PRKCA: variants seen among roughly 807,000 people sequenced by gnomAD.
PRKCA encodes the protein protein kinase C alpha.
Under a neutral mutation model 87.0 loss-of-function variants are expected in PRKCA, and 27 were observed. The ratio of observed to expected loss-of-function variants is 0.31; its 90% CI spans 0.23 to 0.43. PRKCA has a LOEUF of 0.43. Among genes scored for constraint, PRKCA ranks in the 20% least tolerant of loss-of-function variants. The pLI, the probability that PRKCA is intolerant of heterozygous loss-of-function variation, is 1.00. For synonymous variants in PRKCA, 329 were observed against 311.1 expected, an observed-to-expected ratio of 1.06 and a Z score of -0.61; for missense variants, 518 against 852.3, an observed-to-expected ratio of 0.61 and a Z score of 4.88.
rs117478932 is a variant in PRKCA, at chr17:66,594,324, A to G, written c.289-47031A>G. Among the ~76,000 whole-genome samples, 13 of 152,292 alleles carry G rather than the reference A, an allele frequency of 8.5e-5. No homozygotes were observed. In the East Asian group the frequency reaches 9.7e-4, roughly 11 times the overall value. On this transcript the variant is annotated intron_variant, in intron 3 of 16. Coordinates refer to ENST00000413366, the MANE Select transcript of PRKCA (RefSeq NM_002737.3). ...ATATGTTGGTTGGGTGGGGTGGTCT[A>G]AGGACTGCAGGATGTTTTAGAGCCT...
chr17:66,800,030 T>C (rs1405784705), intron 16 of PRKCA, among the ~76,000 whole-genome samples: 1 of 152,168 alleles, frequency 6.6e-6, no homozygotes, highest in Non-Finnish European at 1.5e-5. Context: ...TTCCAGGCTT[T>C]CTTCCGGTTT....
intron 3 of PRKCA, among the ~76,000 whole-genome samples, chr17:66,624,017 AG>A (rs1348255185): frequency 6.6e-6 from 1 of 152,198 alleles, no homozygotes; most frequent in Non-Finnish European, 1.5e-5. Context: ...GAAAACTTGT[AG>A]GGTGTCATCA....
Position 66,442,225 on chromosome 17 carries a change from A to ATT in PRKCA, c.206-53963_206-53962dup, listed in dbSNP as rs141847660. ...TACAGGTGCCTGCCATGCCTGGCTGATTTTTTTTTTTTTTAGTTGAGACAG... is the reference window on the plus strand; with the variant it reads ...TACAGGTGCCTGCCATGCCTGGCTGATTTTTTTTTTTTTTTTAGTTGAGACAG... On this transcript the variant is annotated intron_variant, in intron 2 of 16. Coordinates refer to ENST00000413366, the MANE Select transcript of PRKCA (RefSeq NM_002737.3). Among the ~76,000 whole-genome samples the ATT allele has an allele frequency of 6.8e-4, 97 of 143,682 alleles. 1 individual carries two copies. In the South Asian group the frequency reaches 9.1e-3, roughly 14 times the overall value. The allele number at this position is 143,682 out of a possible 152,430, so 94.3% of individuals were successfully genotyped here.
intron 2 of PRKCA, among the ~76,000 whole-genome samples, chr17:66,473,701 G>A (rs1052233724): frequency 3.9e-5 from 6 of 152,258 alleles, no homozygotes; most frequent in South Asian, 2.1e-4. Context: ...TTGGGAGGCC[G>A]AGGTGGGTGA....
At chr17:66,509,178 A>ATGTGTG (rs35472661) in intron 3 of PRKCA, among the ~76,000 whole-genome samples, 3,145 of 147,160 alleles carry the variant, frequency 0.021, 36 homozygotes, top group South Asian at 0.041. Flanking sequence ...GTGTGTGTGT[A>ATGTGTG]TGTGTGTGTG....
intron 3 of PRKCA, among the ~76,000 whole-genome samples, chr17:66,524,844 A>G (rs192809459): frequency 6.6e-6 from 1 of 152,322 alleles, no homozygotes; most frequent in East Asian, 1.9e-4. Context: ...CTTCCCTGCA[A>G]GGAGACTAAA....
intron 2 of PRKCA, among the ~76,000 whole-genome samples, chr17:66,367,951 A>G (rs1207088005): frequency 3.9e-5 from 6 of 152,210 alleles, no homozygotes; most frequent in Non-Finnish European, 2.9e-5. Context: ...CCCTGTGTTT[A>G]TAAAATAACT....
intron 2 of PRKCA, among the ~76,000 whole-genome samples, chr17:66,423,364 T>C (rs1218240561): frequency 6.6e-6 from 1 of 152,216 alleles, no homozygotes; most frequent in Non-Finnish European, 1.5e-5. Context: ...GATCCCATAT[T>C]TGGAAATCTT....
In PRKCA at chr17:66,737,196, C is replaced by CAAAAA. The variant is rs59025976; in HGVS notation, c.1230+1547_1230+1551dup. Among the ~76,000 whole-genome samples the CAAAAA allele has an allele frequency of 1.7e-3, 209 of 125,308 alleles. 1 individual carries two copies. The highest frequency in any genetic ancestry group is 5.8e-3 in the African/African-American group (205 of 35,188). 82.2% of individuals were successfully genotyped at this position (125,308 alleles called of 152,430 possible). A position where few individuals can be genotyped will look rare whatever the true frequency, so the allele number is the denominator to read the frequency against. On this transcript the variant is annotated intron_variant, in intron 10 of 16. Transcript: ENST00000413366. ...TGAAACCCCGTCTCTACTAAATATA[C>CAAAAA]AAAAAAAAAAAAAAAAATTAGCCGG...
At chr17:66,627,458 A>T (rs1213944132) in intron 3 of PRKCA, among the ~76,000 whole-genome samples, 2 of 152,162 alleles carry the variant, frequency 1.3e-5, no homozygotes, top group Non-Finnish European at 2.9e-5. Context: ...GAGAGGGAGG[A>T]AGGAATACAT....
chr17:66,667,145 A>G (rs1972064508), intron 5 of PRKCA, among the ~76,000 whole-genome samples: 2 of 152,116 alleles, frequency 1.3e-5, no homozygotes, highest in Non-Finnish European at 2.9e-5. Context: ...CACCTCTGCC[A>G]CCTTTTAAAT....
At chr17:66,728,875 G>A (rs534008840) in intron 8 of PRKCA, among the ~76,000 whole-genome samples, 2 of 152,218 alleles carry the variant, frequency 1.3e-5, no homozygotes, top group African/African-American at 2.4e-5. Flanking sequence ...CTGGGCATTC[G>A]TTGGTAGTAT....
At chr17:66,697,061 C>T (rs931750869) in intron 8 of PRKCA, among the ~76,000 whole-genome samples, 1 of 152,202 alleles carries the variant, frequency 6.6e-6, no homozygotes, top group Non-Finnish European at 1.5e-5. Flanking sequence ...CATCACACCT[C>T]GCCTGTCTCC....
chr17:66,344,046 CA>C (rs553319712), intron 2 of PRKCA, among the ~76,000 whole-genome samples: 5 of 152,016 alleles, frequency 3.3e-5, no homozygotes, highest in Non-Finnish European at 7.4e-5. Context: ...TTAGGCTTTC[CA>C]GGGGGGCCTT....
intron 3 of PRKCA, among the ~76,000 whole-genome samples, chr17:66,538,080 C>T (rs7221493): frequency 0.012 from 1,866 of 152,226 alleles, 35 homozygotes; most frequent in African/African-American, 0.041. Flanking sequence ...GAATTACAGG[C>T]GTGAGCCACC....
chr17:66,471,545 A>G (rs1420695464), intron 2 of PRKCA, among the ~76,000 whole-genome samples: 1 of 152,152 alleles, frequency 6.6e-6, no homozygotes, highest in African/African-American at 2.4e-5. Context: ...GCAGAACTGC[A>G]TTTTGCAGCC....
At chr17:66,332,832 C>A (rs578080532) in intron 2 of PRKCA, among the ~76,000 whole-genome samples, 2,738 of 152,034 alleles carry the variant, frequency 0.018, 92 homozygotes, top group African/African-American at 0.063. Context: ...GCTGGGACTA[C>A]AGGTGCCCGC....
At chr17:66,360,650 G>T (rs1908337406) in intron 2 of PRKCA, among the ~76,000 whole-genome samples, 1 of 152,158 alleles carries the variant, frequency 6.6e-6, no homozygotes, top group Middle Eastern at 3.2e-3. Flanking sequence ...AGGAGCCTCA[G>T]GCAGGAGTCA....
intron 5 of PRKCA, among the ~76,000 whole-genome samples, chr17:66,662,421 C>T (rs181490327): frequency 8.5e-5 from 13 of 152,234 alleles, no homozygotes; most frequent in African/African-American, 2.4e-4. Flanking sequence ...CATGGCTCAG[C>T]GGCACCCAAG....
Sources: allele counts gnomAD v4.1 joint callset (sites outside exome capture counted in the v4.1 genomes callset), GRCh38; gene constraint gnomAD v4.1.1; transcripts MANE v1.5; gene names NCBI Gene and HGNC (gene_info 2026-07-23, HGNC 2026-07-21).